ARPP21: variants seen among roughly 807,000 people sequenced by gnomAD.
The protein encoded by ARPP21 is cAMP regulated phosphoprotein 21.
A neutral mutation model predicts 113.2 loss-of-function variants in ARPP21; 69 were observed. That is an observed-to-expected ratio of 0.61 (90% CI 0.50 to 0.74). The LOEUF (loss-of-function observed/expected upper bound fraction) is 0.74, where lower values mean the gene tolerates loss of function less well. Ranked by LOEUF, ARPP21 falls within the 30% of genes least tolerant of loss-of-function variation. The pLI is 0.00. For synonymous variants in ARPP21, 368 were observed against 375.5 expected, an observed-to-expected ratio of 0.98 and a Z score of 0.23; for missense variants, 1,070 against 1,037.4, an observed-to-expected ratio of 1.03 and a Z score of -0.43.
chr3:35,793,992 T>G lies in ARPP21; in HGVS notation c.*34T>G. 1 of 1,581,234 alleles carries G rather than the reference T, an allele frequency of 6.3e-7. No homozygotes were observed. The stretch of plus-strand genomic sequence containing the variant: ...GCTGTGGTACATTTCTTCAGATATT[T>G]CTCATGGCCTTTGATGGAAGAGGAA... On this transcript the variant is annotated 3_prime_UTR_variant, in exon 21 of 21. Coordinates refer to ENST00000684406, the MANE Select transcript of ARPP21 (RefSeq NM_001385562.1).
chr3:35,707,151 G>A (rs910454130), intron 10 of ARPP21, 69 bp downstream of exon 10: 38 of 1,214,424 alleles, frequency 3.1e-5, no homozygotes, highest in Non-Finnish European at 4.1e-5. Context: ...TGTTCATGTC[G>A]TCCCTCTGTT....
At chr3:35,703,758 A>G (rs1438507006) in intron 9 of ARPP21, among the ~76,000 whole-genome samples, 8 of 151,908 alleles carry the variant, frequency 5.3e-5, no homozygotes, top group Admixed American at 5.3e-4. Context: ...GTTTTCATCC[A>G]ATTACATTCA....
At chr3:35,782,095 A>G (rs2096538124) in intron 19 of ARPP21, among the ~76,000 whole-genome samples, 1 of 152,218 alleles carries the variant, frequency 6.6e-6, no homozygotes, top group African/African-American at 2.4e-5. Flanking sequence ...TCCTGAAAAC[A>G]TTAGCACTTA....
chr3:35,644,834 A>G (rs34041533), intron 1 of ARPP21, among the ~76,000 whole-genome samples: 32,069 of 151,850 alleles, frequency 0.21, 3,553 homozygotes, highest in African/African-American at 0.26. Flanking sequence ...GTCACAGTAG[A>G]TCAATATTTT....
chr3:35,690,299 C>G (rs1232512522), intron 8 of ARPP21, among the ~76,000 whole-genome samples, 159 bp downstream of exon 8: 1 of 151,456 alleles, frequency 6.6e-6, no homozygotes, highest in Non-Finnish European at 1.5e-5. Flanking sequence ...GGACTATACG[C>G]TGATGAGAAT....
Position 35,706,950 on chromosome 3 carries a change from T to C in ARPP21, c.687-24T>C, listed in dbSNP as rs753139453. ...AAACAAGGGGGAAAAACTTTTTTAT[T>C]GATATGTTTTACTTTGCTGGCAGAC... is the stretch of plus-strand genomic sequence containing the variant. On this transcript the variant is annotated intron_variant, in intron 9 of 20. Coordinates refer to ENST00000684406, the MANE Select transcript of ARPP21 (RefSeq NM_001385562.1). 7 of 1,568,822 alleles carry C rather than the reference T, an allele frequency of 4.5e-6. No homozygotes were observed. In the East Asian group the frequency reaches 1.1e-4, roughly 25 times the overall value.
chr3:35,640,224 AAAACAAAC>A lies in ARPP21; in HGVS notation c.-378_-371del, dbSNP rs149569318. 6.6e-6 allele frequency: 1 copy of A among 152,296 alleles called. No individual in the cohort carries two copies. Among genetic ancestry groups the A allele is most frequent in the Admixed American group, 6.5e-5 (1 of 15,274 alleles). The allele number at this position is 152,296 out of a possible 1,614,324, so 9.4% of individuals were successfully genotyped here. A position where few individuals can be genotyped will look rare whatever the true frequency, so the allele number is the denominator to read the frequency against. Reference sequence around the variant, plus strand: ...GCAGTTAAATAAATCGACCAAAAACAAAACAAACAAACAAACCCAACAACAACAACAAC... The same window carrying A: ...GCAGTTAAATAAATCGACCAAAAACAAAACAAACCCAACAACAACAACAAC... On this transcript the variant is annotated 5_prime_UTR_variant, in exon 1 of 21. Coordinates refer to ENST00000684406, the MANE Select transcript of ARPP21 (RefSeq NM_001385562.1).
intron 19 of ARPP21, among the ~76,000 whole-genome samples, chr3:35,747,094 T>C (rs2095103577): frequency 6.6e-6 from 1 of 152,166 alleles, no homozygotes; most frequent in Non-Finnish European, 1.5e-5. Context: ...CTCACACCTA[T>C]AATCCCAGCA....
chr3:35,749,470 G>A (rs1320384815), intron 19 of ARPP21, among the ~76,000 whole-genome samples: 1 of 143,372 alleles, frequency 7.0e-6, no homozygotes, highest in East Asian at 2.0e-4. Context: ...AAAATCCTAT[G>A]TGTGTTCTAT....
chr3:35,720,864 G>A (rs1333785074), intron 13 of ARPP21, among the ~76,000 whole-genome samples: 1 of 152,142 alleles, frequency 6.6e-6, no homozygotes, highest in East Asian at 1.9e-4. Flanking sequence ...TCTTTCACCT[G>A]AGGAGCTTTT....
chr3:35,742,988 C>G (rs2094768246), intron 18 of ARPP21, among the ~76,000 whole-genome samples: 1 of 152,134 alleles, frequency 6.6e-6, no homozygotes, highest in African/African-American at 2.4e-5. Flanking sequence ...ATCAAATAAT[C>G]AGAATAATTT....
intron 1 of ARPP21, among the ~76,000 whole-genome samples, chr3:35,671,356 AT>A (rs1295629529): frequency 6.6e-6 from 1 of 152,182 alleles, no homozygotes; most frequent in Non-Finnish European, 1.5e-5. Flanking sequence ...CAAATGAATT[AT>A]TTTATATTTC....
At chr3:35,759,881 T>A (rs1201565232) in intron 19 of ARPP21, among the ~76,000 whole-genome samples, 1 of 152,082 alleles carries the variant, frequency 6.6e-6, no homozygotes, top group Non-Finnish European at 1.5e-5. Flanking sequence ...AAAACCAATG[T>A]GCTATGCCAA....
chr3:35,690,963 C>T lies in ARPP21; in HGVS notation c.644C>T (p.Thr215Ile). Reference protein sequence around the residue: ...YFGLDHNVDQTGKSVIINKTS... With the variant: ...YFGLDHNVDQIGKSVIINKTS... ...GGATTGGATCACAATGTGGATCAAACAGGAAAATCTGTTATCATCAACAAG... is the reference window on the plus strand; with the variant it reads ...GGATTGGATCACAATGTGGATCAAATAGGAAAATCTGTTATCATCAACAAG... Residue 215 changes from threonine (T) to isoleucine (I), a missense_variant, in exon 9 of 21, where the codon ACA becomes ATA. Thr to Ile is a moderately conservative substitution (Grantham distance 89, BLOSUM62 -1). Coordinates refer to ENST00000684406, the MANE Select transcript of ARPP21 (RefSeq NM_001385562.1). The T allele has an allele frequency of 6.2e-7, 1 of 1,610,704 alleles. No individual in the cohort carries two copies. The highest frequency in any genetic ancestry group is 8.5e-7 in the Non-Finnish European group (1 of 1,177,868).
Position 35,737,271 on chromosome 3 carries a change from A to T in ARPP21, c.1553A>T (p.Gln518Leu), listed in dbSNP as rs1293900718. The T allele has an allele frequency of 6.8e-6, 11 of 1,612,840 alleles. No individual in the cohort carries two copies. The Admixed American group carries it at 1.8e-4, about 27-fold the overall frequency. ...CGAAGCGCCATGGTGGGGCAGTCCC[A>T]ACAGCAGCCACCACAGCAGCAGCCC... ...PLRSAMVGQS[Q>L]QQPPQQQPSP... is the part of the protein sequence containing the mutation. Residue 518 changes from glutamine (Q) to leucine (L), a missense_variant, in exon 16 of 21, where the codon CAA becomes CTA. Gln to Leu is a moderately radical substitution (Grantham distance 113, BLOSUM62 -2). Transcript: ENST00000684406.
chr3:35,699,069 C>T (rs2085219126), intron 9 of ARPP21, among the ~76,000 whole-genome samples: 1 of 151,530 alleles, frequency 6.6e-6, no homozygotes, highest in African/African-American at 2.4e-5. Context: ...GGAGCCATGA[C>T]AATTTTGATC....
At chr3:35,752,755 T>C (rs1436983339) in intron 19 of ARPP21, among the ~76,000 whole-genome samples, 1 of 152,092 alleles carries the variant, frequency 6.6e-6, no homozygotes, top group African/African-American at 2.4e-5. Context: ...TAATAAATAG[T>C]ACATTTTTAT....
At chr3:35,664,617 C>T (rs2149207440) in intron 1 of ARPP21, among the ~76,000 whole-genome samples, 1 of 152,330 alleles carries the variant, frequency 6.6e-6, no homozygotes, top group Admixed American at 6.5e-5. Flanking sequence ...AGTGAATCAG[C>T]AGTCCGCTTT....
At chr3:35,652,364 G>T (rs1001695152) in intron 1 of ARPP21, among the ~76,000 whole-genome samples, 7 of 152,044 alleles carry the variant, frequency 4.6e-5, no homozygotes, top group African/African-American at 1.4e-4. Context: ...CCAGCAGAAG[G>T]CCATTTGTAT....
Sources: gnomAD v4.1 joint callset for allele counts (sites outside exome capture counted in the v4.1 genomes callset) on GRCh38, gnomAD v4.1.1 for gene constraint, MANE v1.5 for transcripts, NCBI Gene and HGNC (gene_info 2026-07-23, HGNC 2026-07-21) for gene names.